DYNC1I1: variants seen among roughly 807,000 people sequenced by gnomAD.
DYNC1I1 encodes dynein cytoplasmic 1 intermediate chain 1.
Under a neutral mutation model 86.6 loss-of-function variants are expected in DYNC1I1, and 43 were observed. The ratio of observed to expected loss-of-function variants is 0.50; its 90% confidence interval spans 0.39 to 0.64. The LOEUF (loss-of-function observed/expected upper bound fraction) is 0.64. Ranked by LOEUF, DYNC1I1 falls within the 30% of genes least tolerant of loss-of-function variation. The pLI is 0.00. For synonymous variants in DYNC1I1, 262 were observed against 283.7 expected (o/e 0.92, Z 0.77); for missense variants, 604 against 788.8 (o/e 0.77, Z 2.81).
rs35181190 is a variant in DYNC1I1, at chr7:95,947,980, C to CTTTT, written c.491-29515_491-29512dup. 3.8e-3 allele frequency among the ~76,000 whole-genome samples: 401 copies of CTTTT among 106,818 alleles called. 10 individuals carry two copies. The highest frequency in any genetic ancestry group is 0.014 in the African/African-American group (377 of 27,212). The allele number at this position is 106,818 out of a possible 152,430, so 70.1% of individuals were successfully genotyped here. On this transcript the variant is annotated intron_variant, in intron 6 of 16. Coordinates refer to ENST00000447467, the MANE Select transcript of DYNC1I1 (RefSeq NM_001135556.2). ...TCAAAAACCAGGTCTTTGTATGTGGCTTTTTTTTTTTTTTTTTTTTGGTAG... is the reference window on the plus strand; with the variant it reads ...TCAAAAACCAGGTCTTTGTATGTGGCTTTTTTTTTTTTTTTTTTTTTTTTGGTAG...
intron 14 of DYNC1I1, among the ~76,000 whole-genome samples, chr7:96,039,873 G>A (rs1788982677): frequency 6.6e-6 from 1 of 152,060 alleles, no homozygotes; most frequent in South Asian, 2.1e-4. Flanking sequence ...TCGTTGATTG[G>A]TTGTTTATTT....
chr7:95,818,641 C>A, intron 4 of DYNC1I1: 2 of 497,678 alleles, frequency 4.0e-6, no homozygotes, highest in South Asian at 7.7e-5. Context: ...CCATTGTGCC[C>A]AGCCTAAAAA....
At chr7:95,995,868 C>A in intron 9 of DYNC1I1, 80 bp from the exon 10 acceptor site, 1 of 1,526,060 alleles carries the variant, frequency 6.6e-7, no homozygotes. Flanking sequence ...GTGTAGTATA[C>A]CACGTGTATG....
intron 6 of DYNC1I1, among the ~76,000 whole-genome samples, chr7:95,879,040 A>T (rs1790382729): frequency 6.6e-6 from 1 of 152,114 alleles, no homozygotes; most frequent in East Asian, 1.9e-4. Context: ...ATTCACAGAT[A>T]ATCATTGAGA....
chr7:95,823,509 C>A (rs553239253), intron 4 of DYNC1I1, among the ~76,000 whole-genome samples: 2 of 152,090 alleles, frequency 1.3e-5, no homozygotes, highest in Admixed American at 1.3e-4. Context: ...TAGATGTTAT[C>A]GGTATATTAT....
Position 96,106,610 on chromosome 7 carries a change from G to T in DYNC1I1, c.1543-3369G>T, listed in dbSNP as rs1015247930. On this transcript the variant is annotated intron_variant, in intron 16 of 16. Coordinates refer to the DYNC1I1 transcript ENST00000537881. ...ACTATATTCCACAGATTTTGCAATA[G>T]ACTTTATTATTATTCTGTTCAAAAT... Among the ~76,000 whole-genome samples the T allele has an allele frequency of 1.1e-4, 16 of 145,768 alleles. No individual in the cohort carries two copies. The East Asian group carries it at 1.6e-3, about 14-fold the overall frequency.
chr7:95,806,155 TAA>T (rs1794696302), intron 2 of DYNC1I1, among the ~76,000 whole-genome samples: 1 of 152,172 alleles, frequency 6.6e-6, no homozygotes, highest in African/African-American at 2.4e-5. Context: ...AAAAAAGCAT[TAA>T]GTTATTATAT....
chr7:96,077,912 A>G (rs541487303), intron 15 of DYNC1I1, among the ~76,000 whole-genome samples: 1 of 152,294 alleles, frequency 6.6e-6, no homozygotes, highest in East Asian at 1.9e-4. Flanking sequence ...TTTCATAGCT[A>G]AACATTTTTT....
At chr7:95,819,675 T>C (rs1236592560) in intron 4 of DYNC1I1, among the ~76,000 whole-genome samples, 1 of 152,288 alleles carries the variant, frequency 6.6e-6, no homozygotes, top group East Asian at 1.9e-4. Context: ...TTTTAAAGTA[T>C]CATTATATAA....
intron 11 of DYNC1I1, among the ~76,000 whole-genome samples, chr7:96,030,330 T>TTGTGTGTGTGTGTG (rs200496803): frequency 8.9e-5 from 12 of 135,492 alleles, no homozygotes; most frequent in South Asian, 2.5e-4. Flanking sequence ...AATGGTAGAG[T>TTGTGTGTGTGTGTG]TGTGTGTGTG....
intron 14 of DYNC1I1, among the ~76,000 whole-genome samples, chr7:96,050,882 T>C (rs1019440544): frequency 5.9e-5 from 9 of 152,236 alleles, no homozygotes; most frequent in Admixed American, 1.3e-4. Flanking sequence ...CTGTCCATTA[T>C]GATCCTTTAA....
intron 14 of DYNC1I1, among the ~76,000 whole-genome samples, chr7:96,071,420 T>C (rs1790156495): frequency 6.6e-6 from 1 of 152,170 alleles, no homozygotes; most frequent in Non-Finnish European, 1.5e-5. Context: ...GATCCAAGGA[T>C]GTTAAGTTAA....
At chr7:95,992,180 GCTTCTGCCTCTGT>G (rs1003110682) in intron 9 of DYNC1I1, among the ~76,000 whole-genome samples, 1 of 152,038 alleles carries the variant, frequency 6.6e-6, no homozygotes, top group Non-Finnish European at 1.5e-5. Flanking sequence ...ACAGAACCTT[GCTTCTGCCTCTGT>G]CTTAGCACTT....
intron 6 of DYNC1I1, among the ~76,000 whole-genome samples, chr7:95,956,386 T>G (rs1190563813): frequency 6.6e-6 from 1 of 151,210 alleles, no homozygotes; most frequent in Non-Finnish European, 1.5e-5. Context: ...TTCTCTTTTT[T>G]TTTTTTTTTT....
rs192948645 is a variant in DYNC1I1 at position 95,933,230 on chromosome 7, A to C, written c.491-44282A>C. Among the ~76,000 whole-genome samples the C allele has an allele frequency of 3.5e-4, 54 of 152,314 alleles. No individual in the cohort carries two copies. The East Asian group carries it at 9.2e-3, about 26-fold the overall frequency. On this transcript the variant is annotated intron_variant, in intron 6 of 16. Coordinates refer to ENST00000447467, the MANE Select transcript of DYNC1I1 (RefSeq NM_001135556.2). The stretch of plus-strand genomic sequence containing the variant: ...TTTAAAAACATAATCTCTAAATATG[A>C]AAATTCATATTAGAGTAGCTTCATT...
At chr7:95,908,979 T>G (rs897375821) in intron 6 of DYNC1I1, among the ~76,000 whole-genome samples, 50 of 151,522 alleles carry the variant, frequency 3.3e-4, no homozygotes, top group Non-Finnish European at 7.1e-4. Flanking sequence ...GGGGGGAAAT[T>G]AGAGAGTTGG....
intron 6 of DYNC1I1, among the ~76,000 whole-genome samples, chr7:95,941,628 C>T (rs1022597685): frequency 1.3e-5 from 2 of 152,198 alleles, no homozygotes; most frequent in Admixed American, 6.5e-5. Context: ...ATAATCTCCT[C>T]GTGTGCTGTT....
chr7:95,958,029 A>C (rs1792765104), intron 6 of DYNC1I1, among the ~76,000 whole-genome samples: 1 of 152,174 alleles, frequency 6.6e-6, no homozygotes, highest in African/African-American at 2.4e-5. Flanking sequence ...GGGCTGGTTA[A>C]GCCTTTGCTG....
At chr7:95,953,714 G>T (rs138350363) in intron 6 of DYNC1I1, among the ~76,000 whole-genome samples, 9 of 152,288 alleles carry the variant, frequency 5.9e-5, no homozygotes, top group African/African-American at 2.2e-4. Context: ...GAACAGTGCT[G>T]CTTGGAGAAA....
Sources: allele counts gnomAD v4.1 joint callset (sites outside exome capture counted in the v4.1 genomes callset), GRCh38; gene constraint gnomAD v4.1.1; transcripts MANE v1.5; gene names NCBI Gene and HGNC (gene_info 2026-07-23, HGNC 2026-07-21).